ZNF407: variants seen among roughly 807,000 people sequenced by gnomAD.
The protein encoded by ZNF407 is zinc finger protein 407.
In ZNF407, 17 loss-of-function variants were observed where a neutral mutation model predicts 131.2. The observed-to-expected ratio is 0.13, with a 90% CI of 0.09 to 0.19. The LOEUF (loss-of-function observed/expected upper bound fraction) is 0.19, where lower values mean the gene tolerates loss of function less well. Among genes scored for constraint, ZNF407 ranks in the 10% least tolerant of loss-of-function variants. The pLI is 1.00. For missense variants in ZNF407, 2,681 were observed against 2,830.6 expected, an observed-to-expected ratio of 0.95 and a Z score of 1.20; for synonymous variants, 1,156 against 1,062.0, an observed-to-expected ratio of 1.09 and a Z score of -1.72.
intron 4 of ZNF407, among the ~76,000 whole-genome samples, chr18:74,851,603 G>A (rs1393429830): frequency 6.6e-6 from 1 of 152,084 alleles, no homozygotes; most frequent in Non-Finnish European, 1.5e-5. Context: ...AAACTCAGAT[G>A]GGTTTTAATT....
chr18:74,634,475 T>A lies in ZNF407; in HGVS notation c.3456T>A (p.Thr1152=), dbSNP rs768450574. 6.2e-7 allele frequency: 1 copy of A among 1,613,790 alleles called. No individual in the cohort carries two copies. The highest frequency in any genetic ancestry group is 1.3e-5 in the African/African-American group (1 of 75,054). The change falls in exon 2 of 9, where the codon ACT becomes ACA. Residue 1152 remains threonine (T), a synonymous_variant. Transcript: ENST00000299687. ...LCAADSVEVE[T]EEESNFNEDH... The stretch of plus-strand genomic sequence containing the variant: ...CTGCTGACTCTGTAGAAGTTGAGAC[T>A]GAAGAAGAATCTAATTTCAATGAAG...
intron 7 of ZNF407, chr18:74,905,726 GAAAAGCA>G (rs1197672247): frequency 1.1e-4 from 17 of 152,108 alleles, no homozygotes; most frequent in Admixed American, 1.1e-3. Flanking sequence ...TTAGATTTAT[GAAAAGCA>G]AAAAGTAATG....
chr18:74,928,548 G>A (rs1414783755), intron 8 of ZNF407, among the ~76,000 whole-genome samples: 1 of 152,162 alleles, frequency 6.6e-6, no homozygotes, highest in Non-Finnish European at 1.5e-5. Flanking sequence ...GCATTCCAGG[G>A]CCATTTCAAA....
intron 5 of ZNF407, among the ~76,000 whole-genome samples, chr18:74,877,761 T>C (rs1971179877): frequency 6.6e-6 from 1 of 152,322 alleles, no homozygotes; most frequent in Admixed American, 6.5e-5. Flanking sequence ...CGAATTTCCA[T>C]AGTATGTTTG....
intron 1 of ZNF407, chr18:74,598,538 C>T (rs897351875): frequency 9.8e-5 from 15 of 152,474 alleles, no homozygotes; most frequent in African/African-American, 3.6e-4. Context: ...TCGTGTCACC[C>T]CCAGGTGCCC....
intron 8 of ZNF407, among the ~76,000 whole-genome samples, chr18:75,007,737 A>C (rs1270928887): frequency 6.6e-6 from 1 of 152,204 alleles, no homozygotes; most frequent in African/African-American, 2.4e-5. Context: ...AGAATAAAGG[A>C]AATAGCTGCT....
At chr18:74,884,748 G>A (rs1236081219) in intron 6 of ZNF407, among the ~76,000 whole-genome samples, 1 of 152,102 alleles carries the variant, frequency 6.6e-6, no homozygotes, top group Non-Finnish European at 1.5e-5. Context: ...AGATTTTCAT[G>A]TAAGTTTAAA....
chr18:75,005,837 C>T (rs1457560002), intron 8 of ZNF407, among the ~76,000 whole-genome samples: 2 of 151,922 alleles, frequency 1.3e-5, no homozygotes, highest in Non-Finnish European at 2.9e-5. Context: ...CAGCTTATCG[C>T]ACGAGAGCTC....
At chr18:74,702,761 A>G (rs1967529916) in intron 3 of ZNF407, among the ~76,000 whole-genome samples, 1 of 152,238 alleles carries the variant, frequency 6.6e-6, no homozygotes, top group Non-Finnish European at 1.5e-5. Context: ...TCAGGCACAC[A>G]TAGATACATG....
At chr18:74,604,438 G>A (rs757715671) in intron 1 of ZNF407, among the ~76,000 whole-genome samples, 1 of 152,190 alleles carries the variant, frequency 6.6e-6, no homozygotes, top group Non-Finnish European at 1.5e-5. Flanking sequence ...CTGTGAAGAA[G>A]GGGAAGAACA....
intron 3 of ZNF407, among the ~76,000 whole-genome samples, chr18:74,705,358 ATC>A (rs1448385974): frequency 6.6e-6 from 1 of 152,178 alleles, no homozygotes; most frequent in African/African-American, 2.4e-5. Context: ...CTGACTGGCC[ATC>A]TCTGATTTGG....
At chr18:74,802,057 A>G (rs1970029591) in intron 4 of ZNF407, among the ~76,000 whole-genome samples, 2 of 152,244 alleles carry the variant, frequency 1.3e-5, no homozygotes, top group African/African-American at 2.4e-5. Context: ...AGGATAAAAT[A>G]AATAGAATCT....
intron 4 of ZNF407, among the ~76,000 whole-genome samples, chr18:74,836,468 C>T (rs777405025): frequency 3.9e-5 from 6 of 152,208 alleles, no homozygotes; most frequent in African/African-American, 9.6e-5. Flanking sequence ...CTGCCCTTCC[C>T]GAGTGAGCCC....
chr18:74,671,550 C>CT (rs1258769161), intron 3 of ZNF407, among the ~76,000 whole-genome samples: 1 of 147,850 alleles, frequency 6.8e-6, no homozygotes, highest in Non-Finnish European at 1.5e-5. Context: ...TCTTTTGTTC[C>CT]TTTTTTTGTG....
rs192005476 is a variant in ZNF407 at position 74,654,100 on chromosome 18, G to T, written c.4802+12978G>T. Reference sequence around the variant, plus strand: ...TGATAATTCAAGGAATAATTCTGCTGCTGATCATTTCTACTAAAAAAGAGA... The same window carrying T: ...TGATAATTCAAGGAATAATTCTGCTTCTGATCATTTCTACTAAAAAAGAGA... On this transcript the variant is annotated intron_variant, in intron 3 of 8. Transcript: ENST00000299687. Among the ~76,000 whole-genome samples the T allele has an allele frequency of 2.1e-3, 317 of 151,884 alleles. 5 individuals are homozygous for T. Among genetic ancestry groups the T allele is most frequent in the African/African-American group, 6.8e-3 (281 of 41,534 alleles).
chr18:74,775,040 A>G (rs1351418426), intron 3 of ZNF407, among the ~76,000 whole-genome samples: 1 of 152,210 alleles, frequency 6.6e-6, no homozygotes, highest in Non-Finnish European at 1.5e-5. Flanking sequence ...AACTTTTTTC[A>G]AGAAAGAAGC....
At chr18:74,641,897 G>C (rs1274009257) in intron 3 of ZNF407, among the ~76,000 whole-genome samples, 1 of 152,128 alleles carries the variant, frequency 6.6e-6, no homozygotes, top group Non-Finnish European at 1.5e-5. Context: ...TTATGCTAGA[G>C]AAATTAATAA....
At position 74,623,198 on chromosome 18, in the gene ZNF407, ATGTC is replaced by A. The variant is rs140121076; in HGVS notation, c.-53-7765_-53-7762del. Among the ~76,000 whole-genome samples, 1,465 of 149,336 alleles carry A rather than the reference ATGTC, an allele frequency of 9.8e-3. 10 individuals are homozygous for A. The highest frequency in any genetic ancestry group is 0.016 in the Non-Finnish European group (1,092 of 67,270). ...TGAATGTGAATCCGTGTGTGTCTGT[ATGTC>A]TGTGAATATGTGACTGCGTGTGTGA... On this transcript the variant is annotated intron_variant, in intron 1 of 8. Transcript: ENST00000299687.
intron 8 of ZNF407, among the ~76,000 whole-genome samples, chr18:74,960,174 T>C (rs1313497966): frequency 6.6e-6 from 1 of 152,186 alleles, no homozygotes; most frequent in Non-Finnish European, 1.5e-5. Context: ...TGAAATGAGA[T>C]GACAAATGTA....
Sources: gnomAD v4.1 joint callset for allele counts (sites outside exome capture counted in the v4.1 genomes callset) on GRCh38, gnomAD v4.1.1 for gene constraint, MANE v1.5 for transcripts, NCBI Gene and HGNC (gene_info 2026-07-23, HGNC 2026-07-21) for gene names.